The following ZSWIM6 variants were observed in gnomAD, a reference collection of about 807,000 sequenced individuals.
The protein encoded by ZSWIM6 is zinc finger SWIM-type containing 6, also known as zinc finger SWIM domain-containing protein 6.
ZSWIM6 carries 9 observed loss-of-function variants against 113.2 expected under a neutral mutation model. That is an observed-to-expected ratio of 0.08 (90% CI 0.05 to 0.14). The LOEUF (loss-of-function observed/expected upper bound fraction) is 0.14. Among genes scored for constraint, ZSWIM6 ranks in the 10% least tolerant of loss-of-function variants. The pLI is 1.00. For synonymous variants in ZSWIM6, 611 were observed against 606.5 expected (o/e 1.01, Z -0.11); for missense variants, 1,162 against 1,552.2 (o/e 0.75, Z 4.22).
intron 1 of ZSWIM6, chr5:61,390,657 T>C (rs981002180): frequency 3.7e-6 from 3 of 821,668 alleles, no homozygotes; most frequent in African/African-American, 3.4e-5. Flanking sequence ...CTGCAAAAAC[T>C]GTTCCTGGCA....
At chr5:61,351,918 T>TTA (rs1172718854) in intron 1 of ZSWIM6, among the ~76,000 whole-genome samples, 1 of 152,232 alleles carries the variant, frequency 6.6e-6, no homozygotes, top group Non-Finnish European at 1.5e-5. Context: ...CTTGCAAACT[T>TTA]TAGACAGGCA....
chr5:61,433,362 C>T lies in ZSWIM6; in HGVS notation c.677-39319C>T, dbSNP rs573281747. ...GCGGTGTGGCATTTAATTGTGTGTG[C>T]ATGTGTGTGTGTGTGAGATGTGTGT... On this transcript the variant is annotated intron_variant, in intron 1 of 13. Coordinates refer to ENST00000252744, the MANE Select transcript of ZSWIM6 (RefSeq NM_020928.2). Among the ~76,000 whole-genome samples the T allele has an allele frequency of 2.0e-5, 3 of 151,788 alleles. No individual in the cohort carries two copies. In the South Asian group the frequency reaches 6.3e-4, roughly 32 times the overall value.
At chr5:61,537,561 A>AT (rs994834518) in intron 10 of ZSWIM6, among the ~76,000 whole-genome samples, 2 of 136,292 alleles carry the variant, frequency 1.5e-5, no homozygotes, top group Non-Finnish European at 3.0e-5. Context: ...TTCTGAGTTA[A>AT]AAAAAAAAAA....
chr5:61,423,516 GC>G (rs1302048581), intron 1 of ZSWIM6, among the ~76,000 whole-genome samples: 2 of 152,108 alleles, frequency 1.3e-5, no homozygotes, highest in Non-Finnish European at 2.9e-5. Context: ...TATAGATGTT[GC>G]ATTTGTGCTA....
At position 61,496,160 on chromosome 5, in the gene ZSWIM6, T is replaced by C. The variant is rs570834725; in HGVS notation, c.1333+1750T>C. On this transcript the variant is annotated intron_variant, in intron 4 of 13. Transcript: ENST00000252744. ...AGCTGATTCTAGTTATGCCCTCTTA[T>C]GGACTACTTTCTAATTAAGGACCAG... is the stretch of plus-strand genomic sequence containing the variant. 2.6e-5 allele frequency among the ~76,000 whole-genome samples: 4 copies of C among 152,298 alleles called. No homozygotes were observed. The East Asian group carries it at 7.7e-4, about 29-fold the overall frequency.
intron 1 of ZSWIM6, among the ~76,000 whole-genome samples, chr5:61,467,733 A>G (rs530295056): frequency 7.0e-4 from 106 of 152,324 alleles, no homozygotes; most frequent in Non-Finnish European, 1.1e-3. Flanking sequence ...ACTATTTGTG[A>G]GTTGACAGAA....
chr5:61,400,078 A>T (rs1745913669), intron 1 of ZSWIM6, among the ~76,000 whole-genome samples: 1 of 151,902 alleles, frequency 6.6e-6, no homozygotes, highest in Non-Finnish European at 1.5e-5. Flanking sequence ...TTACATCTCC[A>T]TTTGTCTGTG....
chr5:61,346,587 G>A (rs1466909354), intron 1 of ZSWIM6, among the ~76,000 whole-genome samples: 1 of 152,154 alleles, frequency 6.6e-6, no homozygotes, highest in Non-Finnish European at 1.5e-5. Context: ...TTTTGTTTAG[G>A]TGAGTCATGT....
At chr5:61,333,708 A>G (rs1479091052) in intron 1 of ZSWIM6, among the ~76,000 whole-genome samples, 2 of 151,840 alleles carry the variant, frequency 1.3e-5, no homozygotes, top group Non-Finnish European at 2.9e-5. Context: ...GACGCTTACT[A>G]ATTAAAGGGC....
intron 4 of ZSWIM6, among the ~76,000 whole-genome samples, chr5:61,519,811 C>T (rs1284578172): frequency 6.6e-6 from 1 of 152,040 alleles, no homozygotes; most frequent in Admixed American, 6.6e-5. Context: ...ACAGTTTTTC[C>T]ACGGATGGGG....
chr5:61,398,920 T>G (rs899400108), intron 1 of ZSWIM6, among the ~76,000 whole-genome samples: 1 of 87,690 alleles, frequency 1.1e-5, no homozygotes, highest in Non-Finnish European at 2.4e-5. Flanking sequence ...TTGTTTTTTT[T>G]TTTTTTTTTT....
At chr5:61,349,659 A>G (rs991011159) in intron 1 of ZSWIM6, among the ~76,000 whole-genome samples, 1 of 152,126 alleles carries the variant, frequency 6.6e-6, no homozygotes, top group Non-Finnish European at 1.5e-5. Context: ...TAGTAGTAGC[A>G]TCAGGCCAAA....
At chr5:61,348,837 A>AG (rs1744723277) in intron 1 of ZSWIM6, among the ~76,000 whole-genome samples, 1 of 152,112 alleles carries the variant, frequency 6.6e-6, no homozygotes, top group Non-Finnish European at 1.5e-5. Context: ...TTCTAGATTG[A>AG]GGGGCATTCT....
chr5:61,528,600 T>C (rs1462933261), intron 7 of ZSWIM6, among the ~76,000 whole-genome samples: 1 of 151,908 alleles, frequency 6.6e-6, no homozygotes, highest in Non-Finnish European at 1.5e-5. Context: ...TCTTTTTTTT[T>C]TTTTTGACAT....
chr5:61,367,287 C>T (rs1245407561), intron 1 of ZSWIM6, among the ~76,000 whole-genome samples: 3 of 152,040 alleles, frequency 2.0e-5, no homozygotes, highest in Non-Finnish European at 4.4e-5. Context: ...GACAGGGTTT[C>T]ATTCTGTAGC....
chr5:61,535,485 C>T lies in ZSWIM6; in HGVS notation c.2247C>T (p.Ala749=), dbSNP rs766905651. 16 of 1,551,100 alleles carry T rather than the reference C, an allele frequency of 1.0e-5. No homozygotes were observed. The highest frequency in any genetic ancestry group is 1.7e-4 in the Middle Eastern group (1 of 6,008). Residue 749 remains alanine (A), a splice_region_variant and synonymous_variant, in exon 10 of 14, where the codon GCC becomes GCT. Transcript: ENST00000252744. ...AATGTGTATGCTCTCTTCCCACAGC[C>T]GGACCATATAGTGGTTTAGGTGAAA... ...FRKQAVFLLE[A]GPYSGLGEII...
At chr5:61,362,343 T>C (rs1745048026) in intron 1 of ZSWIM6, among the ~76,000 whole-genome samples, 1 of 151,908 alleles carries the variant, frequency 6.6e-6, no homozygotes, top group Admixed American at 6.6e-5. Context: ...GAATTACGGG[T>C]GTGCGCCACC....
chr5:61,414,058 G>C (rs1746196537), intron 1 of ZSWIM6, among the ~76,000 whole-genome samples: 1 of 152,020 alleles, frequency 6.6e-6, no homozygotes, highest in Non-Finnish European at 1.5e-5. Flanking sequence ...AAATGGACAG[G>C]GCAAAGATCA....
Position 61,332,602 on chromosome 5 carries a change from C to T in ZSWIM6, c.330C>T (p.Val110=), listed in dbSNP as rs1170342046. 2 of 1,294,740 alleles carry T rather than the reference C, an allele frequency of 1.5e-6. No individual in the cohort carries two copies. The highest frequency in any genetic ancestry group is 1.6e-5 in the African/African-American group (1 of 62,650). The allele number at this position is 1,294,740 out of a possible 1,614,324, so 80.2% of individuals were successfully genotyped here. The change falls in exon 1 of 14, where the codon GTC becomes GTT. Residue 110 remains valine (V), a synonymous_variant. Coordinates refer to ENST00000252744, the MANE Select transcript of ZSWIM6 (RefSeq NM_020928.2). Reference sequence around the variant, plus strand: ...CGGAGCCGGTGCAGCGCCGCATAGTCTATTGGTCCTTCCCCCGCAGCGAGC... The same window carrying T: ...CGGAGCCGGTGCAGCGCCGCATAGTTTATTGGTCCTTCCCCCGCAGCGAGC... The part of the protein sequence containing the change: ...RIPEPVQRRI[V]YWSFPRSERE...
Sources: allele counts gnomAD v4.1 joint callset (sites outside exome capture counted in the v4.1 genomes callset), GRCh38; gene constraint gnomAD v4.1.1; transcripts MANE v1.5; gene names NCBI Gene and HGNC (gene_info 2026-07-23, HGNC 2026-07-21).